RANBP2: variants seen among roughly 807,000 people sequenced by gnomAD.
RANBP2 encodes E3 SUMO-protein ligase RanBP2.
A neutral mutation model predicts 303.6 loss-of-function variants in RANBP2; 57 were observed. That is an observed-to-expected ratio of 0.19 (90% confidence interval 0.15 to 0.23). The LOEUF is 0.23. RANBP2 is among the 10% of genes least tolerant of loss of function. The pLI is 1.00. For missense variants in RANBP2, 3,138 were observed against 3,780.8 expected (o/e 0.83, Z 4.46); for synonymous variants, 1,167 against 1,301.5 (o/e 0.90, Z 2.23).
the RANBP2 span, among the ~76,000 whole-genome samples, chr2:108,829,525 C>T: frequency 6.6e-6 from 1 of 152,194 alleles, no homozygotes; most frequent in Admixed American, 6.5e-5. Flanking sequence ...GCAGGCGGGT[C>T]ACTTGAGGTC....
chr2:109,129,694 C>G, the RANBP2 span: 1 of 1,530,530 alleles, frequency 6.5e-7, no homozygotes, highest in Non-Finnish European at 8.7e-7. Context: ...GTCGTCGCTG[C>G]TGGACCTGCT....
At chr2:109,368,982 G>A in the RANBP2 span, among the ~76,000 whole-genome samples, 1 of 152,052 alleles carries the variant, frequency 6.6e-6, no homozygotes, top group Non-Finnish European at 1.5e-5. Flanking sequence ...ACAGATTTCC[G>A]GAGCATTCTG....
At chr2:109,474,849 A>C in the RANBP2 span, among the ~76,000 whole-genome samples, 2 of 152,110 alleles carry the variant, frequency 1.3e-5, no homozygotes, top group East Asian at 3.9e-4. Context: ...CAAAGTCTAC[A>C]CTCACTCATA....
the RANBP2 span, among the ~76,000 whole-genome samples, chr2:109,707,694 G>A: frequency 6.6e-6 from 1 of 152,298 alleles, no homozygotes; most frequent in Non-Finnish European, 1.5e-5. Context: ...CAGCGCCCAT[G>A]CCGGGCTGGT....
At chr2:109,695,627 T>C in the RANBP2 span, among the ~76,000 whole-genome samples, 15 of 152,108 alleles carry the variant, frequency 9.9e-5, no homozygotes, top group East Asian at 3.9e-4. Context: ...AGGAGATAGA[T>C]AGAAATTAAT....
At chr2:108,900,806 G>A in the RANBP2 span, among the ~76,000 whole-genome samples, 1 of 152,096 alleles carries the variant, frequency 6.6e-6, no homozygotes, top group Non-Finnish European at 1.5e-5. Flanking sequence ...TTACCAGAAA[G>A]TGACATTTAA....
the RANBP2 span, among the ~76,000 whole-genome samples, chr2:108,815,746 T>C: frequency 6.6e-6 from 1 of 152,022 alleles, no homozygotes; most frequent in Non-Finnish European, 1.5e-5. Flanking sequence ...GATTACAGGC[T>C]TGAGCCACTG....
At chr2:109,496,939 C>T in the RANBP2 span, among the ~76,000 whole-genome samples, 1 of 152,072 alleles carries the variant, frequency 6.6e-6, no homozygotes, top group African/African-American at 2.4e-5. Context: ...ATGATGTGAG[C>T]ACTCCCCTTT....
chr2:109,739,395 T>C, the RANBP2 span, among the ~76,000 whole-genome samples: 2 of 151,330 alleles, frequency 1.3e-5, no homozygotes, highest in Admixed American at 1.3e-4. Context: ...TTCCATTTTT[T>C]GTGTGTCCTC....
the RANBP2 span, chr2:108,929,392 A>G: frequency 3.7e-6 from 6 of 1,613,774 alleles, no homozygotes; most frequent in Non-Finnish European, 5.1e-6. Flanking sequence ...GTCCAGGGAA[A>G]GAGGACAGGG....
chr2:109,383,708 A>G, the RANBP2 span, among the ~76,000 whole-genome samples: 1 of 152,204 alleles, frequency 6.6e-6, no homozygotes, highest in Admixed American at 6.5e-5. Context: ...CAACCCCCGC[A>G]GAGGAGCTCA....
chr2:108,865,152 A>T, the RANBP2 span, among the ~76,000 whole-genome samples: 2 of 151,972 alleles, frequency 1.3e-5, no homozygotes, highest in South Asian at 4.2e-4. Context: ...TTTTATATAG[A>T]TATATATTAT....
intron 18 of RANBP2, among the ~76,000 whole-genome samples, chr2:108,759,377 G>T (rs1350382230): frequency 6.6e-6 from 1 of 152,154 alleles, no homozygotes; most frequent in Non-Finnish European, 1.5e-5. Context: ...CACTCCGGTG[G>T]TGTAACTCCA....
the RANBP2 span, among the ~76,000 whole-genome samples, chr2:109,027,301 C>G: frequency 1.8e-4 from 27 of 150,944 alleles, no homozygotes; most frequent in East Asian, 5.1e-3. Context: ...GAGGGTGGGT[C>G]TCCTGGGGGA....
the RANBP2 span, among the ~76,000 whole-genome samples, chr2:109,331,873 G>C: frequency 1.3e-5 from 2 of 152,170 alleles, no homozygotes; most frequent in Non-Finnish European, 2.9e-5. Flanking sequence ...CCTGAGGAGA[G>C]ACCTCTCACC....
the RANBP2 span, among the ~76,000 whole-genome samples, chr2:109,536,219 T>C: frequency 6.6e-6 from 1 of 152,108 alleles, no homozygotes; most frequent in Non-Finnish European, 1.5e-5. Flanking sequence ...GCTTGCACCA[T>C]GTGCCTGGAA....
chr2:109,018,878 G>A, the RANBP2 span, among the ~76,000 whole-genome samples: 8 of 152,246 alleles, frequency 5.3e-5, no homozygotes, highest in African/African-American at 1.9e-4. Flanking sequence ...AGTTCTATGA[G>A]GAGAGTAAGT....
At chr2:109,624,737 G>A in the RANBP2 span, among the ~76,000 whole-genome samples, 3 of 152,150 alleles carry the variant, frequency 2.0e-5, no homozygotes, top group Non-Finnish European at 2.9e-5. Flanking sequence ...TTCTCATTGC[G>A]TATGCTGCAC....
chr2:109,202,253 C>T, the RANBP2 span, among the ~76,000 whole-genome samples: 2 of 152,174 alleles, frequency 1.3e-5, no homozygotes, highest in Non-Finnish European at 2.9e-5. Flanking sequence ...CCCACCTTGC[C>T]TCCAGTGCTG....
Sources: gnomAD v4.1 joint callset for allele counts (sites outside exome capture counted in the v4.1 genomes callset) on GRCh38, gnomAD v4.1.1 for gene constraint, MANE v1.5 for transcripts, NCBI Gene and HGNC (gene_info 2026-07-23, HGNC 2026-07-21) for gene names.